Variants in ELFN2 observed in about 807,000 individuals in gnomAD.
ELFN2 encodes the protein extracellular leucine rich repeat and fibronectin type III domain containing 2.
In ELFN2, 17 loss-of-function variants were observed where a neutral mutation model predicts 45.5. The observed-to-expected ratio is 0.37, with a 90% confidence interval of 0.26 to 0.56. The LOEUF is 0.56. Among genes scored for constraint, ELFN2 ranks in the 20% least tolerant of loss-of-function variants. ELFN2 has a pLI of 0.77. For synonymous variants in ELFN2, 550 were observed against 551.5 expected (o/e 1.00, Z 0.04); for missense variants, 922 against 1,183.2 (o/e 0.78, Z 3.24).
intron 1 of ELFN2, among the ~76,000 whole-genome samples, chr22:37,418,160 T>G (rs748528271): frequency 6.8e-6 from 1 of 148,064 alleles, no homozygotes; most frequent in Non-Finnish European, 1.5e-5. Flanking sequence ...AAGACAGAGA[T>G]AGAGAGATGG....
chr22:37,407,161 T>C (rs886706223), intron 2 of ELFN2, among the ~76,000 whole-genome samples: 1 of 150,838 alleles, frequency 6.6e-6, no homozygotes, highest in Non-Finnish European at 1.5e-5. Context: ...TATGTGTACA[T>C]GAGCACACCA....
intron 1 of ELFN2, 97 bp downstream of exon 1, chr22:37,427,201 C>T (rs1295365990): frequency 6.6e-6 from 1 of 152,220 alleles, no homozygotes; most frequent in Admixed American, 6.5e-5. Context: ...AGCCCCACCC[C>T]CACTGACGGA....
chr22:37,409,838 G>A (rs1932601836), intron 2 of ELFN2, among the ~76,000 whole-genome samples: 2 of 152,174 alleles, frequency 1.3e-5, no homozygotes, highest in Admixed American at 1.3e-4. Flanking sequence ...CAGCTGCGAG[G>A]AGAATCCCTC....
chr22:37,357,894 C>T (rs115660247), intron 1 of ELFN2, among the ~76,000 whole-genome samples: 1,934 of 152,242 alleles, frequency 0.013, 47 homozygotes, highest in African/African-American at 0.044. Context: ...GCAGCACGAG[C>T]GTGGCCACCC....
intron 2 of ELFN2, among the ~76,000 whole-genome samples, chr22:37,407,140 T>C (rs1471148864): frequency 6.6e-6 from 1 of 152,174 alleles, no homozygotes; most frequent in African/African-American, 2.4e-5. Flanking sequence ...TGTGCGTGTG[T>C]GTGTGTGTCG....
downstream of ELFN2, among the ~76,000 whole-genome samples, chr22:37,363,681 T>C (rs1467732551): frequency 6.6e-6 from 1 of 152,034 alleles, no homozygotes; most frequent in Non-Finnish European, 1.5e-5. Flanking sequence ...GGGCCTCAAC[T>C]GGAGGTTGGG....
chr22:37,376,157 G>T (rs1931579978), intron 2 of ELFN2, among the ~76,000 whole-genome samples, 161 bp from the exon 3 acceptor site: 1 of 152,136 alleles, frequency 6.6e-6, no homozygotes, highest in African/African-American at 2.4e-5. Flanking sequence ...AGAAGCAGGG[G>T]GTTGGTGGGT....
intron 1 of ELFN2, among the ~76,000 whole-genome samples, chr22:37,360,990 G>C (rs568046176): frequency 2.0e-5 from 3 of 152,132 alleles, no homozygotes; most frequent in Non-Finnish European, 2.9e-5. Flanking sequence ...GCCACTCGAG[G>C]CTCCACTGTC....
At chr22:37,366,957 G>C (rs1931219738), downstream of ELFN2, among the ~76,000 whole-genome samples, 1 of 152,242 alleles carries the variant, frequency 6.6e-6, no homozygotes. Context: ...AATGGAGGCA[G>C]GCAGGGGGGC....
chr22:37,360,587 G>A (rs1049140686), intron 1 of ELFN2, among the ~76,000 whole-genome samples: 5 of 152,150 alleles, frequency 3.3e-5, no homozygotes, highest in Non-Finnish European at 5.9e-5. Context: ...ACCTCCATCC[G>A]GCTGGCACAG....
At chr22:37,362,397 G>A (rs1931111940) in intron 1 of ELFN2, among the ~76,000 whole-genome samples, 1 of 152,160 alleles carries the variant, frequency 6.6e-6, no homozygotes, top group Non-Finnish European at 1.5e-5. Flanking sequence ...TATTTTGGGG[G>A]GCTCATTCTT....
chr22:37,386,898 G>T (rs11089838), intron 2 of ELFN2, among the ~76,000 whole-genome samples: 43,467 of 152,128 alleles, frequency 0.29, 10,288 homozygotes, highest in African/African-American at 0.65. Context: ...AAGCTAATCT[G>T]TCCTGGGTCT....
intron 2 of ELFN2, among the ~76,000 whole-genome samples, chr22:37,389,371 G>C (rs1438713728): frequency 1.3e-5 from 2 of 151,996 alleles, no homozygotes; most frequent in African/African-American, 4.8e-5. Flanking sequence ...CTATGGAATT[G>C]AGGGCACGCC....
Position 37,412,277 on chromosome 22 carries a change from C to CA in ELFN2, c.-463+5491dup, listed in dbSNP as rs56073200. 7.3e-3 allele frequency among the ~76,000 whole-genome samples: 673 copies of CA among 92,164 alleles called. 7 individuals are homozygous for CA. Among genetic ancestry groups the CA allele is most frequent in the East Asian group, 0.03 (102 of 3,444 alleles). 60.5% of individuals were successfully genotyped at this position (92,164 alleles called of 152,430 possible). Reference sequence around the variant, plus strand: ...TGGGCAAACAAGCAAAACTCCGTCTCAAAAAAAAAAAAAAAAAAGAAAGAA... The same window carrying CA: ...TGGGCAAACAAGCAAAACTCCGTCTCAAAAAAAAAAAAAAAAAAAGAAAGAA... On this transcript the variant is annotated intron_variant, in intron 2 of 2. Transcript: ENST00000402918.
rs1043162620 is a variant in ELFN2 at position 37,372,368 on chromosome 22, C to T, written c.*704G>A. On this transcript the variant is annotated 3_prime_UTR_variant, in exon 3 of 3. Transcript: ENST00000402918. This position sits in a 1 kb window ranked among gnomAD's most constrained non-coding sequence, Gnocchi z 4.4. ...GAAGAAAAAGCACCTGCCTGATTCC[C>T]AAGTCCCTCAGCCCCAAGGGACCAC... 3 of 152,388 alleles carry T rather than the reference C, an allele frequency of 2.0e-5. No homozygotes were observed. Among genetic ancestry groups the T allele is most frequent in the Admixed American group, 2.0e-4 (3 of 15,282 alleles). 9.4% of individuals were successfully genotyped at this position (152,388 alleles called of 1,614,324 possible).
At chr22:37,348,194 T>C (rs1329153815) in intron 1 of ELFN2, among the ~76,000 whole-genome samples, 2 of 152,202 alleles carry the variant, frequency 1.3e-5, no homozygotes, top group Admixed American at 6.5e-5. Context: ...CGTGCGCTCA[T>C]GTATGAGGCA....
In ELFN2 at chr22:37,374,985, C is replaced by T. The variant is rs772265333; in HGVS notation, c.550G>A (p.Gly184Ser). The T allele has an allele frequency of 8.7e-6, 14 of 1,613,220 alleles. No individual in the cohort carries two copies. Among genetic ancestry groups the T allele is most frequent in the East Asian group, 4.5e-5 (2 of 44,868 alleles). Residue 184 changes from glycine (G) to serine (S), a missense_variant, in exon 3 of 3, where the codon GGC becomes AGC. Gly to Ser is a moderately conservative substitution (Grantham distance 56). This residue lies in a region of ELFN2 where 358 missense variants were observed against 540.4 expected (regional missense o/e 0.66). Coordinates refer to ENST00000402918, the MANE Select transcript of ELFN2 (RefSeq NM_052906.5). ...LASLMVCELAGNPFNCECDLF... is the reference protein window; with the variant it reads ...LASLMVCELASNPFNCECDLF... ...TCGCACTCACAGTTGAAGGGGTTGCCGGCCAGCTCACACACCATCAGGCTG... is the reference window on the plus strand; with the variant it reads ...TCGCACTCACAGTTGAAGGGGTTGCTGGCCAGCTCACACACCATCAGGCTG...
intron 2 of ELFN2, among the ~76,000 whole-genome samples, chr22:37,398,891 AC>A (rs1932287579): frequency 6.6e-6 from 1 of 151,324 alleles, no homozygotes; most frequent in Non-Finnish European, 1.5e-5. Context: ...CTCCAGCCCA[AC>A]CCCAGAACAG....
At position 37,416,310 on chromosome 22, in the gene ELFN2, C is replaced by T. The variant is rs1364989131; in HGVS notation, c.-463+1459G>A. ...GGGAAGGAGTTAGGCCTGCTGAGTC[C>T]GGCACTCAGGGAGGGAGATGCTCCC... On this transcript the variant is annotated intron_variant, in intron 2 of 2. Coordinates refer to ENST00000402918, the MANE Select transcript of ELFN2 (RefSeq NM_052906.5). 4.6e-5 allele frequency among the ~76,000 whole-genome samples: 7 copies of T among 152,152 alleles called. No individual in the cohort carries two copies. In the East Asian group the frequency reaches 7.7e-4, roughly 17 times the overall value.
Sources: allele counts gnomAD v4.1 joint callset (sites outside exome capture counted in the v4.1 genomes callset), GRCh38; gene constraint gnomAD v4.1.1; regional missense constraint gnomAD v4.1.1; non-coding constraint Gnocchi (gnomAD v3.1); transcripts MANE v1.5; gene names NCBI Gene and HGNC (gene_info 2026-07-23, HGNC 2026-07-21).